Variants in NRXN3 observed in about 807,000 individuals in gnomAD.
The protein encoded by NRXN3 is neurexin III.
Under a neutral mutation model 137.6 loss-of-function variants are expected in NRXN3, and 32 were observed. The observed-to-expected ratio is 0.23, with a 90% CI of 0.18 to 0.31. The LOEUF is 0.31. Ranked by LOEUF, NRXN3 falls within the 10% of genes least tolerant of loss-of-function variation. The pLI is 1.00. For missense variants in NRXN3, 1,574 were observed against 2,062.5 expected (o/e 0.76, Z 4.59); for synonymous variants, 798 against 784.5 (o/e 1.02, Z -0.29).
At chr14:78,762,100 C>T (rs2098694228) in intron 8 of NRXN3, among the ~76,000 whole-genome samples, 1 of 152,162 alleles carries the variant, frequency 6.6e-6, no homozygotes, top group Non-Finnish European at 1.5e-5. Flanking sequence ...AGACCATTCT[C>T]TTTATTATTA....
chr14:78,588,503 G>T (rs1162961970), intron 4 of NRXN3, among the ~76,000 whole-genome samples: 1 of 152,142 alleles, frequency 6.6e-6, no homozygotes, highest in African/African-American at 2.4e-5. Context: ...AGAGTATACA[G>T]GGCTGAGATG....
At chr14:79,226,507 A>G (rs1437394558) in intron 15 of NRXN3, among the ~76,000 whole-genome samples, 1 of 152,042 alleles carries the variant, frequency 6.6e-6, no homozygotes, top group Non-Finnish European at 1.5e-5. Context: ...CTCAAACCCA[A>G]TGTATCAGAA....
intron 15 of NRXN3, among the ~76,000 whole-genome samples, chr14:79,298,273 T>C (rs2084534329): frequency 6.6e-6 from 1 of 152,114 alleles, no homozygotes; most frequent in South Asian, 2.1e-4. Context: ...TATTTCTTCC[T>C]GATGCCAGAA....
Position 78,199,155 on chromosome 14 carries a change from C to T in NRXN3, c.-704+28481C>T, listed in dbSNP as rs540295152. On this transcript the variant is annotated intron_variant, in intron 1 of 20. Transcript: ENST00000335750. ...TAGAAAACATCAGGAGAGGCCTCTA[C>T]TAAGGGAAGCAAGTGCAGCAGCCAG... is the stretch of plus-strand genomic sequence containing the variant. 2.6e-5 allele frequency among the ~76,000 whole-genome samples: 4 copies of T among 152,270 alleles called. No homozygotes were observed. The East Asian group carries it at 7.7e-4, about 29-fold the overall frequency.
chr14:78,255,564 T>A (rs1402842106), intron 2 of NRXN3, among the ~76,000 whole-genome samples: 2 of 152,256 alleles, frequency 1.3e-5, no homozygotes, highest in Non-Finnish European at 2.9e-5. Flanking sequence ...GGCTTTTCTA[T>A]CCTTAATGCA....
intron 8 of NRXN3, among the ~76,000 whole-genome samples, chr14:78,793,284 C>T (rs142492723): frequency 3.0e-4 from 46 of 152,152 alleles, no homozygotes; most frequent in Non-Finnish European, 6.0e-4. Context: ...AATAAAGTTA[C>T]TCAGAAATGG....
chr14:78,573,800 G>C (rs2096911291), intron 4 of NRXN3, among the ~76,000 whole-genome samples: 1 of 152,246 alleles, frequency 6.6e-6, no homozygotes, highest in East Asian at 1.9e-4. Flanking sequence ...CTGAGGAAAA[G>C]TTCAAGTCAG....
rs543222908 is a variant in NRXN3, at chr14:78,658,426, G to T, written c.1221+7100G>T. 5.3e-5 allele frequency among the ~76,000 whole-genome samples: 8 copies of T among 152,238 alleles called. No individual in the cohort carries two copies. In the East Asian group the frequency reaches 1.5e-3, roughly 29 times the overall value. On this transcript the variant is annotated intron_variant, in intron 6 of 20. Transcript: ENST00000335750. ...TATAAAATACAAAACACTATACAAA[G>T]GTTAATGAAGTTGTTATTTATGTTA...
At chr14:78,803,869 CCTTT>C (rs1837708430) in intron 9 of NRXN3, 46 bp downstream of exon 9, 1 of 1,528,314 alleles carries the variant, frequency 6.5e-7, no homozygotes. Flanking sequence ...GCTTGTCTTC[CCTTT>C]CTTTTCTGAT....
At chr14:79,816,399 G>A (rs530599522) in intron 20 of NRXN3, among the ~76,000 whole-genome samples, 143 of 152,284 alleles carry the variant, frequency 9.4e-4, no homozygotes, top group Non-Finnish European at 1.8e-3. Context: ...ATAAAATGGA[G>A]TTTAAATGTA....
At chr14:79,119,120 A>G (rs1285717957) in intron 15 of NRXN3, among the ~76,000 whole-genome samples, 3 of 152,190 alleles carry the variant, frequency 2.0e-5, no homozygotes, top group Admixed American at 2.0e-4. Context: ...TCAACTCCAA[A>G]TTTAGTATGG....
intron 1 of NRXN3, among the ~76,000 whole-genome samples, chr14:78,201,640 C>A (rs1040816290): frequency 1.3e-5 from 2 of 152,126 alleles, no homozygotes; most frequent in African/African-American, 4.8e-5. Flanking sequence ...TGAGAGAACA[C>A]GCACAAATCT....
chr14:79,397,461 G>T (rs1413693895), intron 15 of NRXN3, among the ~76,000 whole-genome samples: 1 of 152,192 alleles, frequency 6.6e-6, no homozygotes, highest in African/African-American at 2.4e-5. Context: ...AACTCCATGA[G>T]ACCTGCACAT....
chr14:79,354,085 CATTCTT>C (rs1360496977), intron 15 of NRXN3, among the ~76,000 whole-genome samples: 4 of 152,104 alleles, frequency 2.6e-5, no homozygotes, highest in African/African-American at 9.7e-5. Flanking sequence ...GAAAGTGACA[CATTCTT>C]GTTCTTTTAG....
intron 15 of NRXN3, among the ~76,000 whole-genome samples, chr14:79,318,889 C>CT (rs1566785760): frequency 6.6e-6 from 1 of 152,180 alleles, no homozygotes; most frequent in Non-Finnish European, 1.5e-5. Flanking sequence ...TGCAGACTCT[C>CT]TAAGTATTAC....
intron 4 of NRXN3, among the ~76,000 whole-genome samples, chr14:78,331,048 G>T (rs2080761173): frequency 6.6e-6 from 1 of 152,074 alleles, no homozygotes; most frequent in Non-Finnish European, 1.5e-5. Context: ...AAGGGTCAGG[G>T]CTCTAGTTCT....
chr14:78,671,844 A>G (rs2097939237), intron 6 of NRXN3, among the ~76,000 whole-genome samples: 1 of 152,244 alleles, frequency 6.6e-6, no homozygotes, highest in African/African-American at 2.4e-5. Flanking sequence ...AGCAAATGGA[A>G]CACAAACCTC....
intron 20 of NRXN3, among the ~76,000 whole-genome samples, chr14:79,844,793 C>T (rs2099363651): frequency 6.6e-6 from 1 of 152,190 alleles, no homozygotes; most frequent in South Asian, 2.1e-4. Flanking sequence ...AAGTCACCAG[C>T]TACATTAGCC....
intron 20 of NRXN3, among the ~76,000 whole-genome samples, chr14:79,821,068 G>A (rs890446019): frequency 2.0e-5 from 3 of 151,854 alleles, no homozygotes; most frequent in African/African-American, 4.9e-5. Context: ...AAGGCTTTGA[G>A]GGCAGGAGGC....
Sources: gnomAD v4.1 joint callset for allele counts (sites outside exome capture counted in the v4.1 genomes callset) on GRCh38, gnomAD v4.1.1 for gene constraint, MANE v1.5 for transcripts, NCBI Gene and HGNC (gene_info 2026-07-23, HGNC 2026-07-21) for gene names.